The following FSTL5 variants were observed in gnomAD, a reference collection of about 807,000 sequenced individuals.
FSTL5 encodes follistatin-related protein 5.
In FSTL5, 62 loss-of-function variants were observed where a neutral mutation model predicts 89.1. That is an observed-to-expected ratio of 0.70 (90% CI 0.57 to 0.86). The LOEUF (loss-of-function observed/expected upper bound fraction) is 0.86. Among genes scored for constraint, FSTL5 ranks in the 40% least tolerant of loss-of-function variants. The probability of loss-of-function intolerance (pLI) is 0.00; values close to 1 mark genes in which losing one functional copy is unlikely to be tolerated. For missense variants in FSTL5, 1,057 were observed against 1,001.6 expected (o/e 1.06, Z -0.75); for synonymous variants, 383 against 346.2 (o/e 1.11, Z -1.18).
intron 4 of FSTL5, among the ~76,000 whole-genome samples, chr4:161,785,227 G>T (rs1358467408): frequency 6.6e-6 from 1 of 152,114 alleles, no homozygotes; most frequent in Non-Finnish European, 1.5e-5. Context: ...AAGCTACAAG[G>T]TGCATCCATT....
intron 3 of FSTL5, among the ~76,000 whole-genome samples, chr4:161,995,808 A>G (rs1047538487): frequency 1.3e-5 from 2 of 149,524 alleles, no homozygotes; most frequent in African/African-American, 2.5e-5. Context: ...TATTCTCTTC[A>G]GTGTCTAATG....
At chr4:162,004,975 G>A (rs1301960445) in intron 3 of FSTL5, among the ~76,000 whole-genome samples, 1 of 152,106 alleles carries the variant, frequency 6.6e-6, no homozygotes, top group Non-Finnish European at 1.5e-5. Context: ...CGATTGAAGT[G>A]TCAGTTATGT....
chr4:161,552,362 G>A (rs766804096), intron 8 of FSTL5: 1 of 151,722 alleles, frequency 6.6e-6, no homozygotes, highest in Non-Finnish European at 1.5e-5. Flanking sequence ...CTTTGGAGCA[G>A]CAAAAAATTG....
intron 8 of FSTL5, among the ~76,000 whole-genome samples, chr4:161,582,371 A>C (rs1733465529): frequency 6.6e-6 from 1 of 152,192 alleles, no homozygotes; most frequent in African/African-American, 2.4e-5. Flanking sequence ...GAATTCCATA[A>C]ATGTGCTATT....
intron 3 of FSTL5, among the ~76,000 whole-genome samples, chr4:161,977,627 A>AT (rs1553988105): frequency 0.063 from 5,811 of 92,212 alleles, 221 homozygotes; most frequent in South Asian, 0.11. Context: ...AAAAAAAAAA[A>AT]AAAAAAAAAA....
intron 2 of FSTL5, among the ~76,000 whole-genome samples, chr4:162,098,102 A>C (rs1579025382): frequency 6.6e-6 from 1 of 152,044 alleles, no homozygotes; most frequent in Non-Finnish European, 1.5e-5. Flanking sequence ...AAGCATAGTT[A>C]TCTACACTGG....
chr4:162,090,114 A>G (rs1251797380), intron 2 of FSTL5, among the ~76,000 whole-genome samples: 4 of 152,156 alleles, frequency 2.6e-5, no homozygotes, highest in Non-Finnish European at 5.9e-5. Context: ...AAATACTTAA[A>G]TGTAAAAACC....
At chr4:161,746,913 C>T (rs1287321760) in intron 6 of FSTL5, among the ~76,000 whole-genome samples, 1 of 152,088 alleles carries the variant, frequency 6.6e-6, no homozygotes, top group Non-Finnish European at 1.5e-5. Context: ...TGCTGATGGG[C>T]CCCCCATAGC....
intron 4 of FSTL5, among the ~76,000 whole-genome samples, chr4:161,890,677 G>C: frequency 1.0e-5 from 1 of 99,530 alleles, no homozygotes; most frequent in Admixed American, 1.4e-4. Flanking sequence ...AGCAGAGCAA[G>C]ACTCTGTCTA....
chr4:162,026,465 G>A (rs865775981), intron 3 of FSTL5, among the ~76,000 whole-genome samples: 6 of 151,330 alleles, frequency 4.0e-5, no homozygotes, highest in African/African-American at 4.8e-5. Context: ...CCACCACCAC[G>A]CTTGGCTAAT....
chr4:161,989,455 T>C (rs1736051933), intron 3 of FSTL5, among the ~76,000 whole-genome samples: 1 of 152,178 alleles, frequency 6.6e-6, no homozygotes, highest in Non-Finnish European at 1.5e-5. Flanking sequence ...TTATATTTGA[T>C]GAATGTAGAC....
intron 4 of FSTL5, among the ~76,000 whole-genome samples, chr4:161,891,816 T>C (rs1291176202): frequency 6.6e-6 from 1 of 152,052 alleles, no homozygotes; most frequent in African/African-American, 2.4e-5. Flanking sequence ...TGAGATGCCC[T>C]GGACTATTAT....
chr4:161,798,042 T>C (rs1397417082), intron 4 of FSTL5, among the ~76,000 whole-genome samples: 1 of 151,702 alleles, frequency 6.6e-6, no homozygotes, highest in Non-Finnish European at 1.5e-5. Flanking sequence ...TTTCTCTGAG[T>C]GTCTTCAATA....
intron 6 of FSTL5, among the ~76,000 whole-genome samples, chr4:161,663,239 C>T (rs985149686): frequency 6.6e-6 from 1 of 152,104 alleles, no homozygotes; most frequent in African/African-American, 2.4e-5. Flanking sequence ...TCCCAACAGT[C>T]CCCCAAAGTC....
chr4:161,465,674 G>C (rs1433923811), intron 13 of FSTL5, among the ~76,000 whole-genome samples: 1 of 152,158 alleles, frequency 6.6e-6, no homozygotes, highest in Non-Finnish European at 1.5e-5. Context: ...CTTACTTGTA[G>C]CTGGCAATTT....
intron 6 of FSTL5, among the ~76,000 whole-genome samples, chr4:161,695,631 T>C (rs1160174896): frequency 2.0e-5 from 3 of 152,184 alleles, no homozygotes; most frequent in African/African-American, 7.2e-5. Context: ...CCTTTGTTTT[T>C]TGATTTTTTA....
rs543851385 is a variant in FSTL5 at position 161,783,627 on chromosome 4, T to A, written c.410-7553A>T. 1.2e-3 allele frequency among the ~76,000 whole-genome samples: 88 copies of A among 70,484 alleles called. 2 individuals carry two copies. Among genetic ancestry groups the A allele is most frequent in the Admixed American group, 4.7e-3 (26 of 5,550 alleles). 46.2% of individuals were successfully genotyped at this position (70,484 alleles called of 152,430 possible). A position where few individuals can be genotyped will look rare whatever the true frequency, so the allele number is the denominator to read the frequency against. On this transcript the variant is annotated intron_variant, in intron 4 of 15. Coordinates refer to ENST00000306100, the MANE Select transcript of FSTL5 (RefSeq NM_020116.5). ...CTTTCTTTCTTTCTCTTTTTCTTTC[T>A]CTTTCTTTTCTTTCTTTCTCTCTCT... is the stretch of plus-strand genomic sequence containing the variant.
intron 3 of FSTL5, among the ~76,000 whole-genome samples, chr4:161,973,068 C>T (rs1271462714): frequency 3.3e-5 from 5 of 152,172 alleles, no homozygotes; most frequent in African/African-American, 1.2e-4. Context: ...TTTAACTCTC[C>T]AGTCTCCCAT....
At chr4:161,749,421 A>T (rs1449960532) in intron 6 of FSTL5, among the ~76,000 whole-genome samples, 1 of 152,196 alleles carries the variant, frequency 6.6e-6, no homozygotes, top group Non-Finnish European at 1.5e-5. Context: ...TCATAAGCAA[A>T]CTAACACAGA....
Sources: gnomAD v4.1 joint callset for allele counts (sites outside exome capture counted in the v4.1 genomes callset) on GRCh38, gnomAD v4.1.1 for gene constraint, MANE v1.5 for transcripts, NCBI Gene and HGNC (gene_info 2026-07-23, HGNC 2026-07-21) for gene names.